The following CHMP3 variants were observed in gnomAD, a reference collection of about 807,000 sequenced individuals.
CHMP3 encodes the protein 25.1 protein.
Under a neutral mutation model 27.4 loss-of-function variants are expected in CHMP3, and 8 were observed. That is an observed-to-expected ratio of 0.29 (90% CI 0.17 to 0.53). The LOEUF (loss-of-function observed/expected upper bound fraction) is 0.53. CHMP3 is among the 20% of genes least tolerant of loss of function. The probability of loss-of-function intolerance (pLI) is 0.96; values close to 1 mark genes in which losing one functional copy is unlikely to be tolerated. For synonymous variants in CHMP3, 86 were observed against 85.5 expected (o/e 1.01, Z -0.03); for missense variants, 208 against 271.5 (o/e 0.77, Z 1.64).
In CHMP3 at chr2:86,563,213, G is replaced by C. The variant is rs745576510; in HGVS notation, c.45+91C>G. 2.0e-6 allele frequency: 3 copies of C among 1,482,190 alleles called. No homozygotes were observed. In the South Asian group the frequency reaches 3.6e-5, roughly 18 times the overall value. 91.8% of individuals were successfully genotyped at this position (1,482,190 alleles called of 1,614,324 possible). On this transcript the variant is annotated intron_variant, in intron 1 of 5. Transcript: ENST00000263856. ...AATGGGGGCCGGGCGGTATCGGGCA[G>C]GCGGTGGGGAGAAGAGTGTCCTGTC...
intron 1 of CHMP3, among the ~76,000 whole-genome samples, chr2:86,544,241 T>C (rs1676467719): frequency 6.6e-6 from 1 of 152,252 alleles, no homozygotes; most frequent in African/African-American, 2.4e-5. Flanking sequence ...TTGGTTACCA[T>C]TTCTACCACA....
At chr2:86,550,538 T>C (rs1032428703) in intron 1 of CHMP3, among the ~76,000 whole-genome samples, 2 of 152,186 alleles carry the variant, frequency 1.3e-5, no homozygotes, top group Admixed American at 6.5e-5. Context: ...ATATTGAAAT[T>C]AAGAATTTTT....
At chr2:86,518,534 A>C (rs953613926) in intron 3 of CHMP3, among the ~76,000 whole-genome samples, 2 of 152,212 alleles carry the variant, frequency 1.3e-5, no homozygotes, top group African/African-American at 4.8e-5. Flanking sequence ...TAAAATAAAA[A>C]AAGCTCAAAA....
intron 1 of CHMP3, among the ~76,000 whole-genome samples, chr2:86,546,565 G>A (rs1676616200): frequency 6.6e-6 from 1 of 151,392 alleles, no homozygotes; most frequent in Non-Finnish European, 1.5e-5. Context: ...AGCCTCCCAA[G>A]TAGCTGGGAT....
chr2:86,562,876 A>AGACGC (rs936639587), intron 1 of CHMP3: 5 of 161,598 alleles, frequency 3.1e-5, no homozygotes, highest in African/African-American at 1.2e-4. Context: ...CTCCTCCGGC[A>AGACGC]GACGCGACCC....
At chr2:86,558,885 A>AG (rs1485964446) in intron 1 of CHMP3, among the ~76,000 whole-genome samples, 1 of 151,672 alleles carries the variant, frequency 6.6e-6, no homozygotes, top group Non-Finnish European at 1.5e-5. Flanking sequence ...AAAAAAAAAA[A>AG]GCCAAACTAA....
At chr2:86,531,239 G>C (rs1675905795) in intron 2 of CHMP3, among the ~76,000 whole-genome samples, 2 of 151,968 alleles carry the variant, frequency 1.3e-5, no homozygotes, top group Non-Finnish European at 2.9e-5. Context: ...AAACACCTGG[G>C]CTCAAGCAAT....
intron 1 of CHMP3, among the ~76,000 whole-genome samples, chr2:86,543,364 T>A (rs575502962): frequency 6.6e-6 from 1 of 152,358 alleles, no homozygotes; most frequent in East Asian, 1.9e-4. Flanking sequence ...GTCACTAGTG[T>A]ATTAAAAAAT....
intron 2 of CHMP3, among the ~76,000 whole-genome samples, chr2:86,531,570 GT>G (rs1326468916): frequency 1.3e-5 from 2 of 152,042 alleles, no homozygotes; most frequent in African/African-American, 4.8e-5. Flanking sequence ...TTTACTCTGT[GT>G]TTTTTTCTAA....
chr2:86,563,301 T>G lies in CHMP3; in HGVS notation c.45+3A>C. The G allele has an allele frequency of 2.5e-6, 4 of 1,614,110 alleles. No individual in the cohort carries two copies. The highest frequency in any genetic ancestry group is 2.5e-6 in the Non-Finnish European group (3 of 1,179,956). On this transcript the variant is annotated splice_donor_region_variant and intron_variant, in intron 1 of 5. Transcript: ENST00000263856. ...GCTTATCTGCCGCCGCCGTAGCCCT[T>G]ACCAGTTCTTTGGGCGGCTTCTCCT...
intron 1 of CHMP3, among the ~76,000 whole-genome samples, chr2:86,549,370 TGGG>T (rs1676773102): frequency 9.3e-6 from 1 of 108,002 alleles, no homozygotes; most frequent in Non-Finnish European, 1.8e-5. Flanking sequence ...ACTTCCCAGA[TGGG>T]GTGGCGGCTG....
intron 3 of CHMP3, among the ~76,000 whole-genome samples, chr2:86,527,642 T>A (rs550559894): frequency 6.6e-6 from 1 of 152,222 alleles, no homozygotes. Flanking sequence ...ATCATCATTT[T>A]AGGGCTGTAA....
intron 3 of CHMP3, among the ~76,000 whole-genome samples, chr2:86,523,284 T>G (rs1025879275): frequency 2.0e-5 from 3 of 152,174 alleles, no homozygotes; most frequent in African/African-American, 7.2e-5. Flanking sequence ...CCCCACAAAC[T>G]TAATAGTTCA....
chr2:86,535,609 C>T (rs188474434), intron 2 of CHMP3, among the ~76,000 whole-genome samples: 9 of 152,228 alleles, frequency 5.9e-5, no homozygotes, highest in Admixed American at 2.6e-4. Flanking sequence ...CAGGTTCAAG[C>T]GATTCTCCTG....
At chr2:86,510,302 C>CT (rs1675051165) in intron 4 of CHMP3, 56 bp downstream of exon 4, 5 of 1,203,076 alleles carry the variant, frequency 4.2e-6, no homozygotes, top group Non-Finnish European at 1.2e-6. Context: ...CCCCCTGTTA[C>CT]TTGTTTAGAG....
In CHMP3 at chr2:86,522,987, G is replaced by A. The variant is rs918787666; in HGVS notation, c.286+6231C>T. Among the ~76,000 whole-genome samples, 7 of 152,162 alleles carry A rather than the reference G, an allele frequency of 4.6e-5. No individual in the cohort carries two copies. The East Asian group carries it at 7.7e-4, about 17-fold the overall frequency. On this transcript the variant is annotated intron_variant, in intron 3 of 5. Transcript: ENST00000263856. ...ATACCTAATCCCTCTACACTCAGAC[G>A]CTGCCCTGATTCTCCCCAAAATACT... is the stretch of plus-strand genomic sequence containing the variant.
intron 3 of CHMP3, chr2:86,511,775 C>G (rs543710558): frequency 5.3e-5 from 8 of 151,940 alleles, no homozygotes; most frequent in African/African-American, 1.7e-4. Flanking sequence ...AGTCTGTAAC[C>G]CAGAGAGAGT....
chr2:86,513,635 A>G (rs1675187289), intron 3 of CHMP3, among the ~76,000 whole-genome samples: 1 of 152,148 alleles, frequency 6.6e-6, no homozygotes, highest in Non-Finnish European at 1.5e-5. Flanking sequence ...TTTCTATTCA[A>G]TTTTGCTGTG....
rs753673659 is a variant in CHMP3 at position 86,504,027 on chromosome 2, C to T, written c.*1777G>A. On this transcript the variant is annotated 3_prime_UTR_variant, in exon 6 of 6. Transcript: ENST00000263856. ...CTAAATAATCTGTATAACAAACCCC[C>T]TTGTCACGAGTTTACCTGCACATGT... 3.4e-4 allele frequency: 51 copies of T among 152,122 alleles called. No individual in the cohort carries two copies. The highest frequency in any genetic ancestry group is 6.3e-4 in the Non-Finnish European group (43 of 68,024). 9.4% of individuals were successfully genotyped at this position (152,122 alleles called of 1,614,324 possible).
Sources: allele counts gnomAD v4.1 joint callset (sites outside exome capture counted in the v4.1 genomes callset), GRCh38; gene constraint gnomAD v4.1.1; transcripts MANE v1.5; gene names NCBI Gene and HGNC (gene_info 2026-07-23, HGNC 2026-07-21).